The following SUGCT variants were observed in gnomAD, a reference collection of about 807,000 sequenced individuals.
SUGCT encodes succinyl-CoA:glutarate-CoA transferase.
Under a neutral mutation model 55.0 loss-of-function variants are expected in SUGCT, and 41 were observed. The observed-to-expected ratio is 0.74, with a 90% CI of 0.58 to 0.97. The LOEUF (loss-of-function observed/expected upper bound fraction) is 0.97, where lower values mean the gene tolerates loss of function less well. Among genes scored for constraint, SUGCT ranks in the 50% least tolerant of loss-of-function variants. The pLI is 0.00. For synonymous variants in SUGCT, 187 were observed against 200.4 expected (o/e 0.93, Z 0.56); for missense variants, 568 against 547.8 (o/e 1.04, Z -0.37).
chr7:40,589,496 G>T (rs187333229), intron 12 of SUGCT, among the ~76,000 whole-genome samples: 1 of 152,078 alleles, frequency 6.6e-6, no homozygotes, highest in Admixed American at 6.6e-5. Flanking sequence ...GAGAGCAAAC[G>T]GATTCCAGAA....
At chr7:40,946,921 T>A in the SUGCT span, among the ~76,000 whole-genome samples, 1 of 152,214 alleles carries the variant, frequency 6.6e-6, no homozygotes, top group Non-Finnish European at 1.5e-5. Flanking sequence ...GACAGCTTGA[T>A]TGTAATGTCT....
rs138251093 is a variant in SUGCT at position 40,478,838 on chromosome 7, T to A, written c.987-17446T>A. 4.9e-3 allele frequency among the ~76,000 whole-genome samples: 750 copies of A among 152,232 alleles called. 10 individuals are homozygous for A. Among genetic ancestry groups the A allele is most frequent in the African/African-American group, 0.017 (700 of 41,554 alleles). On this transcript the variant is annotated intron_variant, in intron 11 of 13. Transcript: ENST00000335693. The stretch of plus-strand genomic sequence containing the variant: ...GATATCCCTCTCCCATAATCAAATC[T>A]AATATTAATCTAATCCATGTTAATA...
the SUGCT span, among the ~76,000 whole-genome samples, chr7:40,949,199 T>C: frequency 6.6e-6 from 1 of 152,244 alleles, no homozygotes; most frequent in African/African-American, 2.4e-5. Flanking sequence ...ATTTCTCTGA[T>C]GGCCAGTGAT....
chr7:40,419,453 A>G (rs2151365813), intron 9 of SUGCT, among the ~76,000 whole-genome samples: 1 of 152,318 alleles, frequency 6.6e-6, no homozygotes, highest in South Asian at 2.1e-4. Flanking sequence ...AATGAAGGAG[A>G]GTTCTAATTA....
intron 11 of SUGCT, among the ~76,000 whole-genome samples, chr7:40,476,292 G>C (rs1436631267): frequency 6.6e-6 from 1 of 152,106 alleles, no homozygotes; most frequent in African/African-American, 2.4e-5. Flanking sequence ...GTGGAACAGG[G>C]AACAAGTGAG....
the SUGCT span, among the ~76,000 whole-genome samples, chr7:41,003,461 G>A: frequency 6.6e-6 from 1 of 152,184 alleles, no homozygotes; most frequent in African/African-American, 2.4e-5. Flanking sequence ...TAGATAGGCA[G>A]GCGACAAGGG....
chr7:40,923,409 G>A, the SUGCT span, among the ~76,000 whole-genome samples: 1 of 152,106 alleles, frequency 6.6e-6, no homozygotes, highest in Non-Finnish European at 1.5e-5. Context: ...GTGATTTTTG[G>A]CTTGGTCATT....
chr7:40,223,330 G>A (rs141703698), intron 6 of SUGCT, among the ~76,000 whole-genome samples: 89 of 152,238 alleles, frequency 5.8e-4, no homozygotes, highest in Middle Eastern at 3.4e-3. Flanking sequence ...CAAAGTGCTG[G>A]GATTACAGGT....
chr7:40,969,438 G>A, the SUGCT span, among the ~76,000 whole-genome samples: 1 of 152,172 alleles, frequency 6.6e-6, no homozygotes, highest in Non-Finnish European at 1.5e-5. Flanking sequence ...ACAGCTCACT[G>A]CAGCCTCAAC....
At chr7:40,879,615 A>T in the SUGCT span, among the ~76,000 whole-genome samples, 1 of 152,188 alleles carries the variant, frequency 6.6e-6, no homozygotes. Context: ...ACATTTCTCC[A>T]GTTTCTTTTA....
intron 12 of SUGCT, among the ~76,000 whole-genome samples, chr7:40,506,105 A>G (rs144943365): frequency 0.013 from 1,997 of 152,228 alleles, 37 homozygotes; most frequent in South Asian, 0.024. Context: ...TTATGTGTGC[A>G]TGGATTCAGT....
chr7:40,819,787 CT>C (rs1791881600), intron 13 of SUGCT, among the ~76,000 whole-genome samples: 2 of 152,284 alleles, frequency 1.3e-5, no homozygotes, highest in South Asian at 4.1e-4. Flanking sequence ...TCAATTTTGG[CT>C]TTTGTTGCTG....
intron 8 of SUGCT, among the ~76,000 whole-genome samples, chr7:40,282,258 A>G (rs944492247): frequency 1.3e-5 from 2 of 152,170 alleles, no homozygotes; most frequent in Non-Finnish European, 1.5e-5. Context: ...ATTTGAGGTC[A>G]GAAGTTTGAG....
the SUGCT span, among the ~76,000 whole-genome samples, chr7:41,013,017 A>AATATAT: frequency 3.9e-4 from 58 of 147,874 alleles, no homozygotes; most frequent in East Asian, 2.6e-3. Context: ...CTCTGATTTA[A>AATATAT]ATATATATAT....
chr7:40,308,432 T>G (rs117241825), intron 8 of SUGCT, among the ~76,000 whole-genome samples: 1 of 152,148 alleles, frequency 6.6e-6, no homozygotes, highest in East Asian at 1.9e-4. Context: ...CAATGTGACT[T>G]TATTTGCTTT....
At chr7:40,160,665 A>G (rs995190387) in intron 1 of SUGCT, among the ~76,000 whole-genome samples, 5 of 152,226 alleles carry the variant, frequency 3.3e-5, no homozygotes, top group African/African-American at 4.8e-5. Context: ...ATAAACCTAT[A>G]AGAAAAAGAT....
chr7:40,401,296 C>A (rs920535107), intron 9 of SUGCT, among the ~76,000 whole-genome samples: 1 of 152,104 alleles, frequency 6.6e-6, no homozygotes. Context: ...TACAGTAGTA[C>A]CTTGTGCAAT....
chr7:40,715,442 G>GGAATGTCACCCAAA (rs762530636), intron 12 of SUGCT, among the ~76,000 whole-genome samples: 6 of 152,096 alleles, frequency 3.9e-5, no homozygotes, highest in Non-Finnish European at 8.8e-5. Flanking sequence ...CAGGATGGAA[G>GGAATGTCACCCAAA]GAATGTCACC....
At chr7:40,937,603 T>C in the SUGCT span, among the ~76,000 whole-genome samples, 1 of 152,234 alleles carries the variant, frequency 6.6e-6, no homozygotes, top group Non-Finnish European at 1.5e-5. Flanking sequence ...TTTATAATTG[T>C]TATATATTCT....
Sources: allele counts gnomAD v4.1 joint callset (sites outside exome capture counted in the v4.1 genomes callset), GRCh38; gene constraint gnomAD v4.1.1; transcripts MANE v1.5; gene names NCBI Gene and HGNC (gene_info 2026-07-23, HGNC 2026-07-21).